The following ALKAL1 variants were observed in gnomAD, a reference collection of about 807,000 sequenced individuals.
ALKAL1 encodes ALK and LTK ligand 1, also known as AUG-beta.
ALKAL1 carries 23 observed loss-of-function variants against 13.5 expected under a neutral mutation model. The observed-to-expected ratio is 1.70, with a 90% CI of 1.23 to 2.41. The LOEUF (loss-of-function observed/expected upper bound fraction) is 2.41. Among genes scored for constraint, ALKAL1 ranks in the 30% most tolerant of loss-of-function variants. The probability of loss-of-function intolerance (pLI) is 0.00; values close to 1 mark genes in which losing one functional copy is unlikely to be tolerated. For missense variants in ALKAL1, 181 were observed against 178.4 expected, an observed-to-expected ratio of 1.01 and a Z score of -0.08; for synonymous variants, 85 against 77.7, an observed-to-expected ratio of 1.09 and a Z score of -0.49.
At chr8:52,551,564 C>CT (rs1847431159) in intron 1 of ALKAL1, among the ~76,000 whole-genome samples, 1 of 151,886 alleles carries the variant, frequency 6.6e-6, no homozygotes, top group South Asian at 2.1e-4. Context: ...CTGCCTCAGC[C>CT]TCCCAAAGAG....
At chr8:52,561,944 C>G (rs1386971802) in intron 1 of ALKAL1, among the ~76,000 whole-genome samples, 1 of 152,154 alleles carries the variant, frequency 6.6e-6, no homozygotes, top group Admixed American at 6.5e-5. Flanking sequence ...TGCTGCCTCC[C>G]ACATCTCAAG....
rs138229936 is a variant in ALKAL1 at position 52,563,416 on chromosome 8, A to C, written c.190+1651T>G. ...ACTGCACTCCAGCCTGGGAGACAGG[A>C]GCGAAACTCCGTCTCTAAATAAATA... is the stretch of plus-strand genomic sequence containing the variant. On this transcript the variant is annotated intron_variant, in intron 1 of 4. Transcript: ENST00000358543. Among the ~76,000 whole-genome samples the C allele has an allele frequency of 4.5e-3, 682 of 152,280 alleles. 3 individuals are homozygous for C. Among genetic ancestry groups the C allele is most frequent in the African/African-American group, 0.015 (641 of 41,562 alleles).
intron 1 of ALKAL1, among the ~76,000 whole-genome samples, chr8:52,547,766 T>G (rs572623913): frequency 1.2e-4 from 19 of 152,324 alleles, no homozygotes; most frequent in Middle Eastern, 6.8e-3. Context: ...GGCTGGAGGA[T>G]CGCTTGGGCC....
chr8:52,552,802 C>G (rs1202780553), intron 1 of ALKAL1, among the ~76,000 whole-genome samples: 5 of 152,076 alleles, frequency 3.3e-5, no homozygotes, highest in Non-Finnish European at 7.4e-5. Context: ...TTATCAGATA[C>G]TCTAGGCTTA....
chr8:52,560,156 AATC>A (rs1451521955), intron 1 of ALKAL1, among the ~76,000 whole-genome samples: 1 of 152,148 alleles, frequency 6.6e-6, no homozygotes, highest in African/African-American at 2.4e-5. Context: ...CAGAGAAAGA[AATC>A]ATCAATGAAC....
chr8:52,542,278 T>C (rs958531180), intron 2 of ALKAL1, 114 bp downstream of exon 2: 1 of 665,784 alleles, frequency 1.5e-6, no homozygotes, highest in African/African-American at 1.8e-5. Context: ...TCTCCCCAAC[T>C]GGACCATGAG....
chr8:52,544,593 T>TG (rs1847348503), intron 1 of ALKAL1, among the ~76,000 whole-genome samples: 1 of 151,986 alleles, frequency 6.6e-6, no homozygotes, highest in South Asian at 2.1e-4. Flanking sequence ...AAAAGACCGT[T>TG]GAGGGAGGGA....
chr8:52,556,417 A>G lies in ALKAL1; in HGVS notation c.190+8650T>C, dbSNP rs11993869. Among the ~76,000 whole-genome samples the G allele has an allele frequency of 5.7e-3, 865 of 151,658 alleles. 9 individuals are homozygous for G. The highest frequency in any genetic ancestry group is 0.019 in the African/African-American group (805 of 41,344). On this transcript the variant is annotated intron_variant, in intron 1 of 4. Transcript: ENST00000358543. ...AATCCCAGCACTTTGGGAGGCCGAG[A>G]CGGGCGGATCACGAGGTCAGGAGAT...
chr8:52,565,022 C>G, intron 1 of ALKAL1, 45 bp downstream of exon 1: 6 of 1,318,754 alleles, frequency 4.5e-6, no homozygotes, highest in Non-Finnish European at 5.8e-6. Context: ...ATCCACGGAG[C>G]CCCAGGCGCA....
chr8:52,536,649 A>C (rs866100480), intron 4 of ALKAL1, among the ~76,000 whole-genome samples: 5 of 152,260 alleles, frequency 3.3e-5, no homozygotes, highest in Non-Finnish European at 4.4e-5. Flanking sequence ...TTTCCTACCT[A>C]CAGTACCAAA....
chr8:52,554,261 T>G (rs371440118), intron 1 of ALKAL1, among the ~76,000 whole-genome samples: 1 of 152,108 alleles, frequency 6.6e-6, no homozygotes, highest in East Asian at 1.9e-4. Flanking sequence ...CAAAAACAAA[T>G]AGATGTGCCA....
chr8:52,561,851 A>G (rs1047332724), intron 1 of ALKAL1, among the ~76,000 whole-genome samples: 1 of 152,206 alleles, frequency 6.6e-6, no homozygotes, highest in Non-Finnish European at 1.5e-5. Context: ...AATAAGGTAA[A>G]CATTTACTGA....
chr8:52,534,604 T>TG lies in ALKAL1; in HGVS notation c.*13-5dup. On this transcript the variant is annotated splice_region_variant and splice_polypyrimidine_tract_variant and intron_variant, in intron 4 of 4. Transcript: ENST00000358543. ...GATGTACATTCTTAGGAAATGTCTG[T>TG]GGGGGTAAAAGAAGAGCCATATCAT... 1.7e-6 allele frequency: 1 copy of TG among 601,056 alleles called. No homozygotes were observed. The allele number at this position is 601,056 out of a possible 1,614,324, so 37.2% of individuals were successfully genotyped here.
In ALKAL1 at chr8:52,538,430, C is replaced by G; in HGVS notation, c.*12+1G>C. ...GATAAGAAAAATAAATATATACTCA[C>G]AGGGTAGTTTTGCTAGGTCTGGGAG... is the stretch of plus-strand genomic sequence containing the variant. On this transcript the variant is annotated splice_donor_variant, in intron 4 of 4. Transcript: ENST00000358543. LOFTEE classifies it low-confidence loss of function (3UTR_SPLICE). 5 of 1,544,640 alleles carry G rather than the reference C, an allele frequency of 3.2e-6. No homozygotes were observed. The highest frequency in any genetic ancestry group is 1.4e-5 in the African/African-American group (1 of 73,330).
intron 1 of ALKAL1, among the ~76,000 whole-genome samples, chr8:52,564,062 C>T (rs1451696174): frequency 1.3e-5 from 2 of 152,192 alleles, no homozygotes; most frequent in East Asian, 1.9e-4. Flanking sequence ...GCTTTCTTAG[C>T]CATAAAGCCT....
At position 52,553,048 on chromosome 8, in the gene ALKAL1, CT is replaced by C. The variant is rs763706124; in HGVS notation, c.191-10604del. The stretch of plus-strand genomic sequence containing the variant: ...TGTTTAAATTATTTCTAAAATTGGA[CT>C]ATGGTACTTAATGGTATATATTCTG... On this transcript the variant is annotated intron_variant, in intron 1 of 4. Coordinates refer to ENST00000358543, the MANE Select transcript of ALKAL1 (RefSeq NM_207413.4). Among the ~76,000 whole-genome samples the C allele has an allele frequency of 1.4e-3, 217 of 152,100 alleles. 1 individual carries two copies. Among genetic ancestry groups the C allele is most frequent in the Admixed American group, 2.2e-3 (34 of 15,268 alleles).
rs952037430 is a variant in ALKAL1 at position 52,546,025 on chromosome 8, A to G, written c.191-3580T>C. 1.1e-4 allele frequency among the ~76,000 whole-genome samples: 16 copies of G among 152,258 alleles called. 1 individual carries two copies. On this transcript the variant is annotated intron_variant, in intron 1 of 4. Transcript: ENST00000358543. Reference sequence around the variant, plus strand: ...GTGCTGAATACTGTAGGTAGCTGTAACACCATGGTGAGTATTTGTGAATCT... The same window carrying G: ...GTGCTGAATACTGTAGGTAGCTGTAGCACCATGGTGAGTATTTGTGAATCT...
At chr8:52,546,741 A>C (rs4873660) in intron 1 of ALKAL1, among the ~76,000 whole-genome samples, 31,446 of 152,212 alleles carry the variant, frequency 0.21, 4,021 homozygotes, top group East Asian at 0.64. Flanking sequence ...GTAAGGACAA[A>C]CCAAATGCGT....
chr8:52,542,461 A>T lies in ALKAL1; in HGVS notation c.191-16T>A, dbSNP rs537540550. 1.8e-4 allele frequency: 255 copies of T among 1,451,994 alleles called. 1 individual carries two copies. The South Asian group carries it at 3.0e-3, about 17-fold the overall frequency. The allele number at this position is 1,451,994 out of a possible 1,614,324, so 89.9% of individuals were successfully genotyped here. ...GGGAATATTTCTGAAAAGAAAAAAA[A>T]AACCATCAGAATTTATTGAATGCAT... On this transcript the variant is annotated splice_polypyrimidine_tract_variant and intron_variant, in intron 1 of 4. Coordinates refer to ENST00000358543, the MANE Select transcript of ALKAL1 (RefSeq NM_207413.4).
Sources: allele counts gnomAD v4.1 joint callset (sites outside exome capture counted in the v4.1 genomes callset), GRCh38; gene constraint gnomAD v4.1.1; transcripts MANE v1.5; gene names NCBI Gene and HGNC (gene_info 2026-07-23, HGNC 2026-07-21).